TNRC6A: variants seen among roughly 807,000 people sequenced by gnomAD.
TNRC6A encodes trinucleotide repeat containing adaptor 6A.
Under a neutral mutation model 221.2 loss-of-function variants are expected in TNRC6A, and 44 were observed. The ratio of observed to expected loss-of-function variants is 0.20; its 90% CI spans 0.16 to 0.26. The LOEUF is 0.26. Ranked by LOEUF, TNRC6A falls within the 10% of genes least tolerant of loss-of-function variation. The pLI is 1.00. For synonymous variants in TNRC6A, 847 were observed against 838.5 expected (o/e 1.01, Z -0.18); for missense variants, 2,199 against 2,404.4 (o/e 0.91, Z 1.79).
intron 1 of TNRC6A, among the ~76,000 whole-genome samples, chr16:24,627,251 C>T (rs1240432720): frequency 1.3e-5 from 2 of 152,074 alleles, no homozygotes; most frequent in East Asian, 3.9e-4. Flanking sequence ...CCTTCTCCTC[C>T]CCTACATCAG....
chr16:24,644,981 G>C (rs1380234724), intron 2 of TNRC6A, among the ~76,000 whole-genome samples: 1 of 151,954 alleles, frequency 6.6e-6, no homozygotes, highest in Non-Finnish European at 1.5e-5. Flanking sequence ...TGACATCCAG[G>C]GTGTATTTTA....
intron 6 of TNRC6A, 63 bp from the exon 7 acceptor site, chr16:24,793,410 C>T: frequency 7.9e-7 from 1 of 1,270,606 alleles, no homozygotes; most frequent in Non-Finnish European, 1.0e-6. Flanking sequence ...CTTTATTGTC[C>T]CTTATTCCAC....
chr16:24,650,170 T>C (rs1387000803), intron 2 of TNRC6A, among the ~76,000 whole-genome samples: 1 of 152,154 alleles, frequency 6.6e-6, no homozygotes, highest in African/African-American at 2.4e-5. Context: ...AACATTTGCA[T>C]CTCCATTTAA....
At chr16:24,711,501 C>A (rs548908772) in intron 2 of TNRC6A, among the ~76,000 whole-genome samples, 1 of 152,300 alleles carries the variant, frequency 6.6e-6, no homozygotes, top group South Asian at 2.1e-4. Context: ...GCAATCTCCC[C>A]ATCCCCAGGC....
intron 2 of TNRC6A, among the ~76,000 whole-genome samples, chr16:24,679,475 G>T (rs1424785251): frequency 6.7e-6 from 1 of 150,340 alleles, no homozygotes; most frequent in Admixed American, 6.6e-5. Context: ...GACTAATTTT[G>T]TTTTTTTTGT....
chr16:24,762,935 G>T (rs1567437783), intron 4 of TNRC6A, among the ~76,000 whole-genome samples: 1 of 152,166 alleles, frequency 6.6e-6, no homozygotes, highest in African/African-American at 2.4e-5. Flanking sequence ...AATCCAGAAA[G>T]ATCTTGGAAC....
At chr16:24,770,628 C>T (rs112579143) in intron 4 of TNRC6A, among the ~76,000 whole-genome samples, 31 of 152,254 alleles carry the variant, frequency 2.0e-4, no homozygotes, top group African/African-American at 7.0e-4. Flanking sequence ...GTTTCTCTCC[C>T]GTCACTCTGG....
intron 2 of TNRC6A, among the ~76,000 whole-genome samples, chr16:24,723,111 A>C (rs548799521): frequency 6.6e-6 from 1 of 152,036 alleles, no homozygotes; most frequent in Non-Finnish European, 1.5e-5. Flanking sequence ...ATTATGCCAC[A>C]CTCATCCTGT....
At chr16:24,753,991 T>G (rs1449037972) in intron 3 of TNRC6A, among the ~76,000 whole-genome samples, 1 of 152,228 alleles carries the variant, frequency 6.6e-6, no homozygotes, top group African/African-American at 2.4e-5. Flanking sequence ...ATCCTTTTCA[T>G]GCAGAACATT....
At chr16:24,733,814 T>C (rs973417216) in intron 2 of TNRC6A, among the ~76,000 whole-genome samples, 4 of 152,186 alleles carry the variant, frequency 2.6e-5, no homozygotes, top group African/African-American at 9.7e-5. Context: ...TAACCAGGTG[T>C]ATTTATGGGA....
intron 1 of TNRC6A, among the ~76,000 whole-genome samples, chr16:24,629,816 A>G (rs1177312470): frequency 6.6e-6 from 1 of 152,068 alleles, no homozygotes; most frequent in Non-Finnish European, 1.5e-5. Flanking sequence ...AAAAAAGTAC[A>G]AAAAGTAAGC....
At chr16:24,810,664 C>T (rs530680391) in intron 18 of TNRC6A, among the ~76,000 whole-genome samples, 13 of 152,052 alleles carry the variant, frequency 8.5e-5, no homozygotes, top group African/African-American at 1.9e-4. Context: ...TTCTGTATCT[C>T]GGCATATCTG....
chr16:24,715,689 C>A (rs922857746), intron 2 of TNRC6A, among the ~76,000 whole-genome samples: 1 of 148,414 alleles, frequency 6.7e-6, no homozygotes, highest in African/African-American at 2.5e-5. Context: ...ATGATCTTGG[C>A]TCACTGCAAC....
intron 1 of TNRC6A, among the ~76,000 whole-genome samples, chr16:24,633,856 C>T (rs1021415551): frequency 2.0e-5 from 3 of 151,890 alleles, no homozygotes; most frequent in Non-Finnish European, 4.4e-5. Flanking sequence ...GGTCTCAGCT[C>T]CCTGCAACCT....
At chr16:24,764,317 C>CTTCTT (rs1430348638) in intron 4 of TNRC6A, among the ~76,000 whole-genome samples, 1 of 150,926 alleles carries the variant, frequency 6.6e-6, no homozygotes, top group Non-Finnish European at 1.5e-5. Flanking sequence ...GCCACAATTT[C>CTTCTT]TTCTTTTCTT....
At chr16:24,697,760 G>A (rs2055890351) in intron 2 of TNRC6A, among the ~76,000 whole-genome samples, 1 of 151,974 alleles carries the variant, frequency 6.6e-6, no homozygotes, top group African/African-American at 2.4e-5. Flanking sequence ...TGCAGACTGG[G>A]GCCGGGCATG....
chr16:24,630,626 C>T (rs1289889266), intron 1 of TNRC6A, among the ~76,000 whole-genome samples: 1 of 152,198 alleles, frequency 6.6e-6, no homozygotes, highest in African/African-American at 2.4e-5. Context: ...TTCCCTCCCA[C>T]CTCACGTCCT....
Position 24,797,957 on chromosome 16 carries a change from C to T in TNRC6A, c.3685C>T (p.Leu1229Phe), listed in dbSNP as rs373270071. 1.2e-6 allele frequency: 2 copies of T among 1,609,950 alleles called. No homozygotes were observed. Among genetic ancestry groups the T allele is most frequent in the Admixed American group, 1.7e-5 (1 of 59,714 alleles). Residue 1229 changes from leucine (L) to phenylalanine (F), a missense_variant, in exon 11 of 25, where the codon CTT becomes TTT. Leu to Phe is a conservative substitution (Grantham distance 22, BLOSUM62 0). Around this residue, in one of 8 missense-constraint regions of TNRC6A, gnomAD observed 158 missense variants for 159.1 expected, o/e 0.99. Coordinates refer to ENST00000395799, the MANE Select transcript of TNRC6A (RefSeq NM_014494.4). Reference protein sequence around the residue: ...EENVQSNKMDLSGGMLQDKRM... With the variant: ...EENVQSNKMDFSGGMLQDKRM... ...AAATGTACAAAGCAATAAGATGGAC[C>T]TTTCTGGAGGTAAGAGAAAATTAAA... is the stretch of plus-strand genomic sequence containing the variant.
At chr16:24,711,586 C>A (rs138159347) in intron 2 of TNRC6A, among the ~76,000 whole-genome samples, 1 of 152,126 alleles carries the variant, frequency 6.6e-6, no homozygotes, top group Non-Finnish European at 1.5e-5. Context: ...ATCATGCAAT[C>A]TGTCCTTTTG....
Sources: allele counts gnomAD v4.1 joint callset (sites outside exome capture counted in the v4.1 genomes callset), GRCh38; gene constraint gnomAD v4.1.1; regional missense constraint gnomAD v4.1.1; transcripts MANE v1.5; gene names NCBI Gene and HGNC (gene_info 2026-07-23, HGNC 2026-07-21).